ANK2: variants seen among roughly 807,000 people sequenced by gnomAD.
ANK2 encodes the protein ankyrin 2.
ANK2 carries 83 observed loss-of-function variants against 360.5 expected under a neutral mutation model. That is an observed-to-expected ratio of 0.23 (90% CI 0.19 to 0.28). The LOEUF is 0.28. Among genes scored for constraint, ANK2 ranks in the 10% least tolerant of loss-of-function variants. ANK2 has a pLI of 1.00. For synonymous variants in ANK2, 1,740 were observed against 1,759.5 expected, an observed-to-expected ratio of 0.99 and a Z score of 0.28; for missense variants, 4,201 against 4,795.7, an observed-to-expected ratio of 0.88 and a Z score of 3.66.
intron 45 of ANK2, among the ~76,000 whole-genome samples, chr4:113,380,145 G>A (rs746414377): frequency 2.0e-5 from 3 of 151,916 alleles, no homozygotes; most frequent in Non-Finnish European, 4.4e-5. Flanking sequence ...AAATACTTGT[G>A]GAATGAGGAC....
the ANK2 span, among the ~76,000 whole-genome samples, chr4:112,707,730 A>G: frequency 6.6e-6 from 1 of 152,216 alleles, no homozygotes; most frequent in East Asian, 1.9e-4. Context: ...GAATATGTGC[A>G]CTCAGACATT....
intron 1 of ANK2, among the ~76,000 whole-genome samples, chr4:113,068,923 C>T (rs561678986): frequency 2.0e-5 from 3 of 151,934 alleles, no homozygotes; most frequent in Non-Finnish European, 2.9e-5. Context: ...ATTAGCTAGG[C>T]GTGGTGGTGC....
At chr4:112,960,998 G>A (rs935279734) in intron 2 of ANK2, among the ~76,000 whole-genome samples, 1 of 151,374 alleles carries the variant, frequency 6.6e-6, no homozygotes, top group African/African-American at 2.4e-5. Flanking sequence ...TTCTTGTGTA[G>A]CAATTTTAGT....
At chr4:113,043,939 T>C (rs947040968) in intron 2 of ANK2, among the ~76,000 whole-genome samples, 7 of 152,124 alleles carry the variant, frequency 4.6e-5, no homozygotes, top group African/African-American at 1.2e-4. Context: ...ATAAACAATA[T>C]TTTTCTCCTC....
chr4:113,250,317 T>C (rs1225863764), intron 10 of ANK2, among the ~76,000 whole-genome samples: 1 of 152,222 alleles, frequency 6.6e-6, no homozygotes, highest in Non-Finnish European at 1.5e-5. Context: ...TACTCAACAG[T>C]GGCATTGGTT....
At chr4:113,229,170 T>C (rs2099261593) in intron 4 of ANK2, among the ~76,000 whole-genome samples, 1 of 152,258 alleles carries the variant, frequency 6.6e-6, no homozygotes, top group African/African-American at 2.4e-5. Flanking sequence ...ACACCACCAG[T>C]GGCTTGAAAC....
At chr4:112,969,910 A>C (rs1357411403) in intron 2 of ANK2, among the ~76,000 whole-genome samples, 1 of 152,158 alleles carries the variant, frequency 6.6e-6, no homozygotes, top group African/African-American at 2.4e-5. Context: ...CTAATTCCAA[A>C]CAGTTTTTGA....
intron 45 of ANK2, among the ~76,000 whole-genome samples, chr4:113,375,955 C>T (rs971630990): frequency 1.7e-4 from 26 of 152,134 alleles, no homozygotes; most frequent in African/African-American, 3.9e-4. Context: ...ATGCCATCTT[C>T]GCTCTGGAGT....
chr4:112,893,361 C>T (rs1328170008), intron 1 of ANK2, among the ~76,000 whole-genome samples: 3 of 152,082 alleles, frequency 2.0e-5, no homozygotes, highest in Middle Eastern at 3.4e-3. Context: ...TGAGGTTTCC[C>T]TATGTTTCCT....
rs191016964 is a variant in ANK2, at chr4:113,210,836, C to T, written c.384+11727C>T. Reference sequence around the variant, plus strand: ...TATTATACTACCTTTGTGGGAAGCACGAGATCAGTTTTTGTTGGTTCTTTA... The same window carrying T: ...TATTATACTACCTTTGTGGGAAGCATGAGATCAGTTTTTGTTGGTTCTTTA... On this transcript the variant is annotated intron_variant, in intron 4 of 45. Transcript: ENST00000357077. Among the ~76,000 whole-genome samples the T allele has an allele frequency of 1.8e-4, 28 of 152,210 alleles. No homozygotes were observed. The East Asian group carries it at 5.2e-3, about 28-fold the overall frequency.
At chr4:112,904,974 A>G (rs1307953315) in intron 2 of ANK2, among the ~76,000 whole-genome samples, 5 of 152,210 alleles carry the variant, frequency 3.3e-5, no homozygotes, top group Non-Finnish European at 7.4e-5. Context: ...TAATTCAAAT[A>G]GATTGCATCC....
the ANK2 span, among the ~76,000 whole-genome samples, chr4:112,759,557 C>G: frequency 1.3e-5 from 2 of 152,122 alleles, no homozygotes; most frequent in Non-Finnish European, 2.9e-5. Flanking sequence ...ATCCTCTTTG[C>G]TCTGTTCCTT....
rs138474562 is a variant in ANK2, at chr4:113,358,040, A to G, written c.9422A>G (p.Glu3141Gly). The G allele has an allele frequency of 1.9e-5, 31 of 1,613,942 alleles. No individual in the cohort carries two copies. Among genetic ancestry groups the G allele is most frequent in the Non-Finnish European group, 2.1e-5 (25 of 1,179,980 alleles). The change falls in exon 38 of 46, where the codon GAG becomes GGG. Residue 3141 changes from glutamate to glycine, a missense_variant. Transcript: ENST00000357077. ...FFQIGQESREETLSEDVKEGA... is the reference protein window; with the variant it reads ...FFQIGQESREGTLSEDVKEGA... ...CAAATTGGTCAAGAATCCAGGGAAG[A>G]GACTCTCTCTGAAGATGTGAAAGAA...
At chr4:113,027,583 C>A (rs2059550671) in intron 2 of ANK2, among the ~76,000 whole-genome samples, 1 of 152,112 alleles carries the variant, frequency 6.6e-6, no homozygotes, top group Non-Finnish European at 1.5e-5. Flanking sequence ...AGCATTATAT[C>A]AGGATGCCAA....
At chr4:112,991,087 T>C (rs1219585136) in intron 2 of ANK2, among the ~76,000 whole-genome samples, 2 of 151,798 alleles carry the variant, frequency 1.3e-5, no homozygotes, top group African/African-American at 4.8e-5. Flanking sequence ...CCGTCTCTAC[T>C]AAAAAATACA....
the ANK2 span, among the ~76,000 whole-genome samples, chr4:112,811,594 C>T: frequency 2.0e-5 from 3 of 152,220 alleles, no homozygotes; most frequent in East Asian, 5.8e-4. Context: ...GTGCTAAGAA[C>T]TCAGCAGCAG....
At chr4:112,730,123 G>A in the ANK2 span, among the ~76,000 whole-genome samples, 1 of 151,312 alleles carries the variant, frequency 6.6e-6, no homozygotes, top group African/African-American at 2.4e-5. Flanking sequence ...GTGTGGTTGT[G>A]TGTACCTGTA....
rs141887265 is a variant in ANK2 at position 112,916,865 on chromosome 4, G to A, written c.21+12351G>A. Among the ~76,000 whole-genome samples, 351 of 152,216 alleles carry A rather than the reference G, an allele frequency of 2.3e-3. 3 individuals are homozygous for A. Among genetic ancestry groups the A allele is most frequent in the African/African-American group, 8.2e-3 (342 of 41,542 alleles). On this transcript the variant is annotated intron_variant, in intron 2 of 30. Transcript: ENST00000503271. ...AATTATATATCTCATTATATATAAA[G>A]TACTGTGATAGATACTTCAGTGGCA...
At chr4:112,809,972 C>T in the ANK2 span, among the ~76,000 whole-genome samples, 1 of 151,442 alleles carries the variant, frequency 6.6e-6, no homozygotes, top group African/African-American at 2.4e-5. Context: ...GAGAGTATAA[C>T]AAATACCTGT....
Sources: allele counts gnomAD v4.1 joint callset (sites outside exome capture counted in the v4.1 genomes callset), GRCh38; gene constraint gnomAD v4.1.1; transcripts MANE v1.5; gene names NCBI Gene and HGNC (gene_info 2026-07-23, HGNC 2026-07-21).